The following DYNC1I1 variants were observed in gnomAD, a reference collection of about 807,000 sequenced individuals.
DYNC1I1 encodes the protein cytoplasmic dynein 1 intermediate chain 1.
Under a neutral mutation model 86.6 loss-of-function variants are expected in DYNC1I1, and 43 were observed. The observed-to-expected ratio is 0.50, with a 90% confidence interval of 0.39 to 0.64. The LOEUF (loss-of-function observed/expected upper bound fraction) is 0.64. DYNC1I1 is among the 30% of genes least tolerant of loss of function. The pLI is 0.00. For synonymous variants in DYNC1I1, 262 were observed against 283.7 expected (o/e 0.92, Z 0.77); for missense variants, 604 against 788.8 (o/e 0.77, Z 2.81).
chr7:96,083,233 A>G (rs1048186307), intron 16 of DYNC1I1, among the ~76,000 whole-genome samples: 1 of 152,338 alleles, frequency 6.6e-6, no homozygotes, highest in African/African-American at 2.4e-5. Context: ...AAAGCAATCT[A>G]TAGCTCAGAA....
chr7:95,903,629 A>C (rs7808658), intron 6 of DYNC1I1, among the ~76,000 whole-genome samples: 19,569 of 152,202 alleles, frequency 0.13, 1,313 homozygotes, highest in South Asian at 0.22. Flanking sequence ...ATATCATTTT[A>C]TTAGCACCAC....
intron 14 of DYNC1I1, among the ~76,000 whole-genome samples, chr7:96,064,245 TCTCC>T (rs1263066263): frequency 8.8e-5 from 13 of 148,180 alleles, no homozygotes; most frequent in African/African-American, 3.0e-4. Flanking sequence ...TCTCTCTCTC[TCTCC>T]CTCTCTCAGT....
chr7:96,087,304 T>C (rs1383366760), intron 16 of DYNC1I1, among the ~76,000 whole-genome samples: 1 of 152,206 alleles, frequency 6.6e-6, no homozygotes, highest in South Asian at 2.1e-4. Flanking sequence ...TAAAAAGAAC[T>C]GCATTTGCAA....
At chr7:95,944,815 T>C (rs1374332009) in intron 6 of DYNC1I1, among the ~76,000 whole-genome samples, 6 of 141,864 alleles carry the variant, frequency 4.2e-5, no homozygotes, top group South Asian at 2.2e-4. Flanking sequence ...TAGGTGGGAA[T>C]TGAACAATGA....
intron 14 of DYNC1I1, among the ~76,000 whole-genome samples, chr7:96,051,928 G>C (rs1346514186): frequency 6.6e-6 from 1 of 152,156 alleles, no homozygotes; most frequent in African/African-American, 2.4e-5. Context: ...TAAATGTTAA[G>C]TATGGGTATA....
intron 10 of DYNC1I1, among the ~76,000 whole-genome samples, chr7:96,026,310 C>G (rs1006792795): frequency 2.6e-5 from 4 of 152,094 alleles, no homozygotes; most frequent in African/African-American, 9.7e-5. Flanking sequence ...CTGTTTCTAA[C>G]TAGGAAGCCT....
chr7:95,883,751 A>G (rs1790517630), intron 6 of DYNC1I1, among the ~76,000 whole-genome samples: 1 of 152,214 alleles, frequency 6.6e-6, no homozygotes, highest in Non-Finnish European at 1.5e-5. Flanking sequence ...GATACCAATA[A>G]TATGTATTAT....
chr7:95,807,353 A>G (rs1794724046), intron 2 of DYNC1I1, among the ~76,000 whole-genome samples: 1 of 152,064 alleles, frequency 6.6e-6, no homozygotes, highest in Non-Finnish European at 1.5e-5. Flanking sequence ...TTTATCTCCA[A>G]TCACGTGAAG....
chr7:95,899,980 T>C (rs539227099), intron 6 of DYNC1I1, among the ~76,000 whole-genome samples: 1 of 152,154 alleles, frequency 6.6e-6, no homozygotes, highest in African/African-American at 2.4e-5. Flanking sequence ...ATCATGTAGG[T>C]GCTCGCCTGT....
At chr7:95,890,582 TA>T (rs1185187293) in intron 6 of DYNC1I1, among the ~76,000 whole-genome samples, 4 of 152,274 alleles carry the variant, frequency 2.6e-5, no homozygotes, top group Admixed American at 2.0e-4. Context: ...CCACTGTACC[TA>T]AAATAAAAGT....
chr7:96,089,324 G>C (rs1398204926), intron 16 of DYNC1I1, among the ~76,000 whole-genome samples: 1 of 151,982 alleles, frequency 6.6e-6, no homozygotes, highest in Admixed American at 6.6e-5. Context: ...CAATAACCCA[G>C]TCTAGCAAAG....
intron 10 of DYNC1I1, among the ~76,000 whole-genome samples, chr7:96,023,994 C>A (rs1049534960): frequency 6.6e-6 from 1 of 152,222 alleles, no homozygotes; most frequent in African/African-American, 2.4e-5. Flanking sequence ...TGGTTCCTAA[C>A]GTAACACTGT....
chr7:95,989,842 C>T (rs967660572), intron 9 of DYNC1I1, among the ~76,000 whole-genome samples: 2 of 152,150 alleles, frequency 1.3e-5, no homozygotes, highest in Admixed American at 6.5e-5. Flanking sequence ...TTAGAACCCT[C>T]ACCTCCTGCA....
At chr7:96,064,210 ATCTCTCTCTCTCTCTCTC>A (rs10557179) in intron 14 of DYNC1I1, among the ~76,000 whole-genome samples, 2 of 141,030 alleles carry the variant, frequency 1.4e-5, no homozygotes, top group Non-Finnish European at 1.5e-5. Context: ...AAATATTCAT[ATCTCTCTCTCTCTCTCTC>A]TCTCTCTCTC....
chr7:95,970,521 C>G (rs1446969853), intron 6 of DYNC1I1, among the ~76,000 whole-genome samples: 4 of 152,138 alleles, frequency 2.6e-5, no homozygotes. Flanking sequence ...AAAGCCATAT[C>G]TAGCATCAGC....
chr7:96,086,064 T>G (rs1790670521), intron 16 of DYNC1I1, among the ~76,000 whole-genome samples: 1 of 152,200 alleles, frequency 6.6e-6, no homozygotes, highest in Non-Finnish European at 1.5e-5. Flanking sequence ...CATAGGCCAG[T>G]ATGTATAGAA....
At chr7:95,953,372 C>T (rs1010799049) in intron 6 of DYNC1I1, among the ~76,000 whole-genome samples, 5 of 151,632 alleles carry the variant, frequency 3.3e-5, no homozygotes, top group East Asian at 1.9e-4. Context: ...CATTTCTCTC[C>T]GCATTTGCTT....
At chr7:96,035,471 A>G in intron 12 of DYNC1I1, 148 bp from the exon 13 acceptor site, 1 of 1,010,128 alleles carries the variant, frequency 9.9e-7, no homozygotes, top group Non-Finnish European at 1.4e-6. Context: ...TGTCAGGGGC[A>G]GTAAAGCATG....
rs752023424 is a variant in DYNC1I1, at chr7:95,995,986, A to G, written c.882A>G (p.Glu294=). 13 of 1,610,980 alleles carry G rather than the reference A, an allele frequency of 8.1e-6. No homozygotes were observed. Among genetic ancestry groups the G allele is most frequent in the South Asian group, 2.2e-5 (2 of 90,418 alleles). ...ELMVASYNNN[E]DAPHEPDGVA... is the part of the protein sequence containing the mutation. ...TGGTGGCTTCTTACAACAACAATGA[A>G]GATGCTCCCCATGAACCAGATGGAG... Residue 294 remains glutamate (E), a synonymous_variant, in exon 10 of 17, where the codon GAA becomes GAG. Transcript: ENST00000447467.
Sources: gnomAD v4.1 joint callset for allele counts (sites outside exome capture counted in the v4.1 genomes callset) on GRCh38, gnomAD v4.1.1 for gene constraint, MANE v1.5 for transcripts, NCBI Gene and HGNC (gene_info 2026-07-23, HGNC 2026-07-21) for gene names.